CCDC85A: variants seen among roughly 807,000 people sequenced by gnomAD.
CCDC85A encodes the protein coiled-coil domain containing 85A.
CCDC85A carries 38 observed loss-of-function variants against 50.2 expected under a neutral mutation model. That is an observed-to-expected ratio of 0.76 (90% CI 0.58 to 0.99). CCDC85A has a LOEUF of 0.99. CCDC85A is among the 50% of genes least tolerant of loss of function. The pLI is 0.00. For synonymous variants in CCDC85A, 366 were observed against 301.4 expected, an observed-to-expected ratio of 1.21 and a Z score of -2.22; for missense variants, 820 against 742.0, an observed-to-expected ratio of 1.11 and a Z score of -1.22.
chr2:56,254,780 T>C (rs745465157), intron 2 of CCDC85A, among the ~76,000 whole-genome samples: 33 of 152,196 alleles, frequency 2.2e-4, no homozygotes, highest in Admixed American at 5.2e-4. Flanking sequence ...GAGGCTTCCC[T>C]GAAGAAGTGA....
chr2:56,213,915 G>T (rs1233855917), intron 2 of CCDC85A, among the ~76,000 whole-genome samples: 2 of 151,900 alleles, frequency 1.3e-5, no homozygotes, highest in Non-Finnish European at 2.9e-5. Flanking sequence ...ATAGTGAATT[G>T]TAATTTGGGG....
intron 2 of CCDC85A, among the ~76,000 whole-genome samples, chr2:56,336,865 C>T (rs995027904): frequency 6.6e-6 from 1 of 151,972 alleles, no homozygotes; most frequent in Admixed American, 6.6e-5. Flanking sequence ...GTAAATCCAT[C>T]AAGAATATCT....
At chr2:56,271,985 G>A (rs768921100) in intron 2 of CCDC85A, among the ~76,000 whole-genome samples, 5 of 152,188 alleles carry the variant, frequency 3.3e-5, no homozygotes, top group Non-Finnish European at 5.9e-5. Context: ...CTGATTGGGA[G>A]CTAAAGGAGG....
rs561083700 is a variant in CCDC85A at position 56,377,935 on chromosome 2, T to A, written c.1572+2000T>A. ...TATGTTTCAAGAGAGGGAGATTTTA[T>A]GTTATATTCAGTACACATAAGTGTC... On this transcript the variant is annotated intron_variant, in intron 5 of 5. Coordinates refer to ENST00000407595, the MANE Select transcript of CCDC85A (RefSeq NM_001080433.2). Among the ~76,000 whole-genome samples, 270 of 151,906 alleles carry A rather than the reference T, an allele frequency of 1.8e-3. 1 individual carries two copies. Among genetic ancestry groups the A allele is most frequent in the Middle Eastern group, 3.4e-3 (1 of 292 alleles).
At chr2:56,370,916 T>C (rs1012748363) in intron 3 of CCDC85A, among the ~76,000 whole-genome samples, 1 of 152,164 alleles carries the variant, frequency 6.6e-6, no homozygotes, top group Non-Finnish European at 1.5e-5. Context: ...TAGATCTCCT[T>C]ATTTGTAAAA....
chr2:56,324,334 T>C (rs1673361033), intron 2 of CCDC85A, among the ~76,000 whole-genome samples: 1 of 152,066 alleles, frequency 6.6e-6, no homozygotes. Flanking sequence ...GACTTTGTCT[T>C]CTGTCAAGGG....
At chr2:56,189,975 A>G (rs1218277036) in intron 1 of CCDC85A, among the ~76,000 whole-genome samples, 2 of 152,224 alleles carry the variant, frequency 1.3e-5, no homozygotes, top group Non-Finnish European at 2.9e-5. Flanking sequence ...AAGCAAAGGA[A>G]CAGAGTTGTT....
Position 56,358,371 on chromosome 2 carries a change from G to C in CCDC85A, c.1318-13973G>C, listed in dbSNP as rs1303555004. On this transcript the variant is annotated intron_variant, in intron 3 of 5. Transcript: ENST00000407595. Reference sequence around the variant, plus strand: ...TCCAATAAACAGTTACTCAGCAAAGGACATTTGTCTATTTATCACTTATTT... The same window carrying C: ...TCCAATAAACAGTTACTCAGCAAAGCACATTTGTCTATTTATCACTTATTT... Among the ~76,000 whole-genome samples the C allele has an allele frequency of 7.2e-5, 11 of 152,288 alleles. No homozygotes were observed. In the South Asian group the frequency reaches 2.3e-3, roughly 32 times the overall value.
intron 2 of CCDC85A, among the ~76,000 whole-genome samples, chr2:56,223,746 G>T (rs765359921): frequency 2.8e-4 from 42 of 152,128 alleles, no homozygotes; most frequent in Non-Finnish European, 5.1e-4. Flanking sequence ...ATATTATTCT[G>T]ACCATCAATG....
At chr2:56,183,969 C>T, upstream of CCDC85A, 1 of 985,380 alleles carries the variant, frequency 1.0e-6, no homozygotes, top group Non-Finnish European at 1.2e-6. Flanking sequence ...CCTCCTCCAG[C>T]CGGTCCCCCA....
chr2:56,196,008 A>C (rs968083014), intron 2 of CCDC85A, among the ~76,000 whole-genome samples: 2 of 152,158 alleles, frequency 1.3e-5, no homozygotes, highest in African/African-American at 4.8e-5. Flanking sequence ...GTTTTCGTTG[A>C]CTGTGCCTTG....
In CCDC85A at chr2:56,251,818, G is replaced by A. The variant is rs141859436; in HGVS notation, c.1240+58378G>A. Among the ~76,000 whole-genome samples the A allele has an allele frequency of 2.0e-5, 3 of 152,092 alleles. No homozygotes were observed. The East Asian group carries it at 5.8e-4, about 29-fold the overall frequency. On this transcript the variant is annotated intron_variant, in intron 2 of 5. Coordinates refer to ENST00000407595, the MANE Select transcript of CCDC85A (RefSeq NM_001080433.2). ...GCTGCACTACTCCAGGATGGGCACT[G>A]GAAGTGAAAAGAACCCTGAACAAGT...
rs72927195 is a variant in CCDC85A, at chr2:56,326,787, G to A, written c.1241-16092G>A. 6.6e-3 allele frequency among the ~76,000 whole-genome samples: 1,006 copies of A among 151,678 alleles called. 4 individuals are homozygous for A. The highest frequency in any genetic ancestry group is 0.022 in the African/African-American group (917 of 41,400). Reference sequence around the variant, plus strand: ...TTTTTCTGCAAGCATTCAATAATTTGTTCTTACTGGCATCAAGTAATATTC... The same window carrying A: ...TTTTTCTGCAAGCATTCAATAATTTATTCTTACTGGCATCAAGTAATATTC... On this transcript the variant is annotated intron_variant, in intron 2 of 5. Transcript: ENST00000407595.
intron 2 of CCDC85A, among the ~76,000 whole-genome samples, chr2:56,338,482 T>A (rs1674193328): frequency 6.6e-6 from 1 of 152,208 alleles, no homozygotes; most frequent in South Asian, 2.1e-4. Context: ...AAAAGGCTTC[T>A]TTCTTCTCTT....
intron 1 of CCDC85A, among the ~76,000 whole-genome samples, chr2:56,189,297 G>GTTTTGTTTT (rs1553388170): frequency 1.6e-5 from 2 of 121,972 alleles, no homozygotes; most frequent in South Asian, 2.6e-4. Context: ...TATTTTTGGT[G>GTTTTGTTTT]TTTTTTTTTT....
chr2:56,322,396 T>C lies in CCDC85A; in HGVS notation c.1241-20483T>C, dbSNP rs920083788. 4.6e-5 allele frequency among the ~76,000 whole-genome samples: 7 copies of C among 152,354 alleles called. No individual in the cohort carries two copies. In the South Asian group the frequency reaches 8.3e-4, roughly 18 times the overall value. ...AGAAAATTTTTGCAATCTACTCATC[T>C]GACAAAGGGCTAGTATCCAGAATCT... On this transcript the variant is annotated intron_variant, in intron 2 of 5. Transcript: ENST00000407595.
chr2:56,264,172 A>G (rs1377754716), intron 2 of CCDC85A, among the ~76,000 whole-genome samples: 1 of 152,034 alleles, frequency 6.6e-6, no homozygotes, highest in East Asian at 1.9e-4. Flanking sequence ...TCTAATCTTT[A>G]TATTATCTCT....
intron 1 of CCDC85A, among the ~76,000 whole-genome samples, chr2:56,185,297 G>T (rs1159783629): frequency 1.3e-5 from 2 of 152,206 alleles, no homozygotes; most frequent in Non-Finnish European, 2.9e-5. Flanking sequence ...TGGAGGGTCG[G>T]GAATGCGGCT....
chr2:56,223,721 A>G (rs6733298), intron 2 of CCDC85A, among the ~76,000 whole-genome samples: 134,364 of 152,124 alleles, frequency 0.88, 59,345 homozygotes, highest in African/African-American at 0.9. Context: ...TCAGCGAAAA[A>G]TGCTCACTAT....
Sources: allele counts gnomAD v4.1 joint callset (sites outside exome capture counted in the v4.1 genomes callset), GRCh38; gene constraint gnomAD v4.1.1; transcripts MANE v1.5; gene names NCBI Gene and HGNC (gene_info 2026-07-23, HGNC 2026-07-21).